ORC2: variants seen among roughly 807,000 people sequenced by gnomAD.
The protein encoded by ORC2 is origin recognition complex subunit 2, also known as origin recognition complex protein 2 homolog.
ORC2 carries 37 observed loss-of-function variants against 77.7 expected under a neutral mutation model. That is an observed-to-expected ratio of 0.48 (90% CI 0.37 to 0.63). The LOEUF (loss-of-function observed/expected upper bound fraction) is 0.63, where lower values mean the gene tolerates loss of function less well. Ranked by LOEUF, ORC2 falls within the 20% of genes least tolerant of loss-of-function variation. ORC2 has a pLI of 0.00. For synonymous variants in ORC2, 201 were observed against 229.5 expected (o/e 0.88, Z 1.12); for missense variants, 557 against 661.9 (o/e 0.84, Z 1.74).
intron 9 of ORC2, among the ~76,000 whole-genome samples, chr2:200,934,931 G>A (rs1169854764): frequency 5.3e-5 from 8 of 152,132 alleles, no homozygotes. Flanking sequence ...CAAGGTGCCT[G>A]CAATGTTCTT....
chr2:200,948,766 GT>G, intron 5 of ORC2, among the ~76,000 whole-genome samples: 1 of 151,906 alleles, frequency 6.6e-6, no homozygotes, highest in Non-Finnish European at 1.5e-5. Flanking sequence ...GTTTTACCAT[GT>G]TAGCCAGGCT....
At chr2:200,915,504 G>C (rs527560279) in intron 15 of ORC2, among the ~76,000 whole-genome samples, 1 of 152,054 alleles carries the variant, frequency 6.6e-6, no homozygotes, top group Admixed American at 6.6e-5. Flanking sequence ...AAAACTGTAC[G>C]TATTTCTTTG....
Position 200,913,420 on chromosome 2 carries a change from A to G in ORC2, c.1529-7T>C, listed in dbSNP as rs368060486. On this transcript the variant is annotated splice_region_variant and splice_polypyrimidine_tract_variant and intron_variant, in intron 16 of 17. Transcript: ENST00000234296. ...AAATCTTGAAAAGAAAGGCCTGGCAAGTTCAAAAGGATATGAACATAAGTC... is the reference window on the plus strand; with the variant it reads ...AAATCTTGAAAAGAAAGGCCTGGCAGGTTCAAAAGGATATGAACATAAGTC... 1.9e-6 allele frequency: 3 copies of G among 1,579,448 alleles called. No individual in the cohort carries two copies. Among genetic ancestry groups the G allele is most frequent in the Non-Finnish European group, 2.6e-6 (3 of 1,158,516 alleles).
chr2:200,940,732 G>T (rs16836086), intron 7 of ORC2, among the ~76,000 whole-genome samples: 260 of 152,228 alleles, frequency 1.7e-3, no homozygotes, highest in African/African-American at 6.0e-3. Flanking sequence ...AACCTGGAAG[G>T]TGGAGGTTGC....
chr2:200,937,505 G>T (rs1315088010), intron 8 of ORC2, among the ~76,000 whole-genome samples: 2 of 152,028 alleles, frequency 1.3e-5, no homozygotes, highest in East Asian at 1.9e-4. Context: ...ATATATAAAG[G>T]TCCAGTCATT....
Position 200,918,587 on chromosome 2 carries a change from C to T in ORC2, c.1466+1635G>A, listed in dbSNP as rs1008416387. On this transcript the variant is annotated intron_variant, in intron 15 of 17. Coordinates refer to ENST00000234296, the MANE Select transcript of ORC2 (RefSeq NM_006190.5). The stretch of plus-strand genomic sequence containing the variant: ...TACTGCAACCTCCGCCTCCTGGGTT[C>T]AAGCGATTCTCCCACTTCAGCCTCC... 2.0e-5 allele frequency among the ~76,000 whole-genome samples: 3 copies of T among 148,754 alleles called. No homozygotes were observed. The Admixed American group carries it at 2.0e-4, about 10-fold the overall frequency.
chr2:200,944,297 C>G (rs1337983147), intron 5 of ORC2, among the ~76,000 whole-genome samples: 1 of 152,030 alleles, frequency 6.6e-6, no homozygotes, highest in Non-Finnish European at 1.5e-5. Flanking sequence ...CCTCAGCCTC[C>G]TGAGTAGCTG....
At chr2:200,927,698 A>T (rs997954911) in intron 11 of ORC2, among the ~76,000 whole-genome samples, 3 of 151,364 alleles carry the variant, frequency 2.0e-5, no homozygotes, top group Non-Finnish European at 2.9e-5. Flanking sequence ...TGTAAAAAAA[A>T]ATTAACTAAT....
intron 7 of ORC2, among the ~76,000 whole-genome samples, chr2:200,939,895 T>A (rs1419247520): frequency 6.6e-6 from 1 of 152,156 alleles, no homozygotes; most frequent in Non-Finnish European, 1.5e-5. Flanking sequence ...CCTTTTATAG[T>A]GATAGAACAC....
chr2:200,963,294 G>A (rs1456461239), intron 1 of ORC2, 196 bp downstream of exon 1: 1 of 396,614 alleles, frequency 2.5e-6, no homozygotes, highest in Non-Finnish European at 4.4e-6. Context: ...AAGGGTTCTC[G>A]AGCCCCCGGG....
At chr2:200,962,041 A>G (rs2041584196) in intron 1 of ORC2, among the ~76,000 whole-genome samples, 1 of 152,250 alleles carries the variant, frequency 6.6e-6, no homozygotes, top group African/African-American at 2.4e-5. Context: ...ACTTGTTTGT[A>G]GCCAAGTGCA....
chr2:200,953,112 CAAA>C (rs768496100), intron 4 of ORC2, among the ~76,000 whole-genome samples: 1 of 48,598 alleles, frequency 2.1e-5, no homozygotes, highest in Non-Finnish European at 4.2e-5. Context: ...GACCCTGTCT[CAAA>C]AAAAAAAAAA....
intron 5 of ORC2, 121 bp downstream of exon 5, chr2:200,949,433 C>T (rs562494474): frequency 7.9e-6 from 5 of 631,358 alleles, no homozygotes; most frequent in African/African-American, 3.8e-5. Flanking sequence ...ATTCCCTAAA[C>T]CATAGGGAAT....
chr2:200,963,318 G>T (rs1051563925), intron 1 of ORC2, 172 bp downstream of exon 1: 2 of 397,046 alleles, frequency 5.0e-6, no homozygotes, highest in Admixed American at 8.8e-5. Flanking sequence ...CCTGCGGGGG[G>T]CAGCGAGGCG....
Position 200,911,152 on chromosome 2 carries a change from C to T in ORC2, c.*149G>A. 1.7e-6 allele frequency: 1 copy of T among 604,410 alleles called. No homozygotes were observed. The highest frequency in any genetic ancestry group is 1.9e-5 in the South Asian group (1 of 51,382). 37.4% of individuals were successfully genotyped at this position (604,410 alleles called of 1,614,324 possible). A position where few individuals can be genotyped will look rare whatever the true frequency, so the allele number is the denominator to read the frequency against. On this transcript the variant is annotated 3_prime_UTR_variant, in exon 18 of 18. Coordinates refer to ENST00000234296, the MANE Select transcript of ORC2 (RefSeq NM_006190.5). ...TACCAGCCAGGCTGATCAAAAAGTT[C>T]TAATTGAGGACATCCCCCCCTTCCC...
chr2:200,951,394 C>T (rs986819991), intron 4 of ORC2, among the ~76,000 whole-genome samples: 1 of 152,310 alleles, frequency 6.6e-6, no homozygotes, highest in Non-Finnish European at 1.5e-5. Flanking sequence ...AGAAACATAA[C>T]TACTGGATTA....
chr2:200,923,539 C>T lies in ORC2; in HGVS notation c.1147+2297G>A, dbSNP rs376939959. Among the ~76,000 whole-genome samples, 11 of 152,050 alleles carry T rather than the reference C, an allele frequency of 7.2e-5. No individual in the cohort carries two copies. In the East Asian group the frequency reaches 7.7e-4, roughly 11 times the overall value. ...TGAAGGGATTGCAGGTGTGAGCCAC[C>T]GCATCCGGCTTAAGGGCAACTTTAT... On this transcript the variant is annotated intron_variant, in intron 13 of 17. Coordinates refer to ENST00000234296, the MANE Select transcript of ORC2 (RefSeq NM_006190.5).
intron 4 of ORC2, among the ~76,000 whole-genome samples, chr2:200,955,426 TTAATA>T (rs1222636712): frequency 6.6e-6 from 1 of 152,212 alleles, no homozygotes; most frequent in Non-Finnish European, 1.5e-5. Context: ...ATTATGTTCA[TTAATA>T]TAATAAGTAA....
At chr2:200,919,655 G>A (rs1446925358) in intron 15 of ORC2, among the ~76,000 whole-genome samples, 5 of 152,194 alleles carry the variant, frequency 3.3e-5, no homozygotes, top group African/African-American at 4.8e-5. Flanking sequence ...CACTGCGTCC[G>A]GCTAATTATG....
Sources: gnomAD v4.1 joint callset for allele counts (sites outside exome capture counted in the v4.1 genomes callset) on GRCh38, gnomAD v4.1.1 for gene constraint, MANE v1.5 for transcripts, NCBI Gene and HGNC (gene_info 2026-07-23, HGNC 2026-07-21) for gene names.